Variants in STARD13 observed in about 807,000 individuals in gnomAD.
STARD13 encodes the protein StAR related lipid transfer domain containing 13.
In STARD13, 62 loss-of-function variants were observed where a neutral mutation model predicts 106.4. That is an observed-to-expected ratio of 0.58 (90% CI 0.48 to 0.72). The LOEUF (loss-of-function observed/expected upper bound fraction) is 0.72. Among genes scored for constraint, STARD13 ranks in the 30% least tolerant of loss-of-function variants. STARD13 has a pLI of 0.00. For missense variants in STARD13, 1,387 were observed against 1,424.0 expected (o/e 0.97, Z 0.42); for synonymous variants, 565 against 553.0 (o/e 1.02, Z -0.31).
At chr13:33,214,584 C>T (rs776203094) in intron 1 of STARD13, among the ~76,000 whole-genome samples, 1 of 152,138 alleles carries the variant, frequency 6.6e-6, no homozygotes, top group Non-Finnish European at 1.5e-5. Context: ...GCTCCACAAC[C>T]TTTCAGTGAC....
intron 1 of STARD13, among the ~76,000 whole-genome samples, chr13:33,244,923 A>C (rs1889745946): frequency 6.6e-6 from 1 of 152,256 alleles, no homozygotes; most frequent in Non-Finnish European, 1.5e-5. Context: ...GTTGTCATGT[A>C]GCAATAGGTA....
intron 1 of STARD13, among the ~76,000 whole-genome samples, chr13:33,211,827 ATG>A (rs1215767146): frequency 0.04 from 5,813 of 146,662 alleles, 178 homozygotes; most frequent in African/African-American, 0.091. Flanking sequence ...GTGTGTGTGT[ATG>A]TGTGTGTGTG....
chr13:33,539,121 A>G, the STARD13 span, among the ~76,000 whole-genome samples: 2 of 152,222 alleles, frequency 1.3e-5, no homozygotes, highest in African/African-American at 4.8e-5. Context: ...AAATTCTAGA[A>G]CTAAAATAAA....
the STARD13 span, among the ~76,000 whole-genome samples, chr13:33,509,694 G>T: frequency 2.0e-5 from 3 of 152,170 alleles, no homozygotes; most frequent in Non-Finnish European, 4.4e-5. Context: ...ACTGTAGGGA[G>T]TATCCAAGAA....
intron 1 of STARD13, chr13:33,276,564 T>C (rs192183897): frequency 3.3e-5 from 5 of 152,292 alleles, no homozygotes; most frequent in Non-Finnish European, 1.5e-5. Flanking sequence ...ACTTTTTGTA[T>C]CCAGTGTGTC....
At chr13:33,304,549 TAA>T (rs1892835872) in intron 1 of STARD13, among the ~76,000 whole-genome samples, 1 of 152,214 alleles carries the variant, frequency 6.6e-6, no homozygotes, top group Admixed American at 6.5e-5. Flanking sequence ...ATGTAATTTT[TAA>T]ACTCCACATC....
At chr13:33,420,431 C>G in the STARD13 span, among the ~76,000 whole-genome samples, 1 of 152,296 alleles carries the variant, frequency 6.6e-6, no homozygotes, top group Non-Finnish European at 1.5e-5. Context: ...GCACCCAATA[C>G]AGGAGCACCT....
chr13:33,193,487 T>C (rs1185572803), intron 1 of STARD13, among the ~76,000 whole-genome samples: 1 of 152,226 alleles, frequency 6.6e-6, no homozygotes, highest in East Asian at 1.9e-4. Flanking sequence ...GGCTCTTTAC[T>C]GTATTATCTC....
chr13:33,401,235 CA>C, the STARD13 span, among the ~76,000 whole-genome samples: 123 of 152,248 alleles, frequency 8.1e-4, no homozygotes, highest in African/African-American at 2.5e-3. Flanking sequence ...TTTATTTAAA[CA>C]TTTTTTTTCT....
the STARD13 span, among the ~76,000 whole-genome samples, chr13:33,475,180 T>C: frequency 6.6e-6 from 1 of 152,296 alleles, no homozygotes; most frequent in Non-Finnish European, 1.5e-5. Context: ...GGTTTTCATC[T>C]GTAAAATACT....
At position 33,243,447 on chromosome 13, in the gene STARD13, G is replaced by A. The variant is rs141067886; in HGVS notation, c.169+42023C>T. ...GTGAAGAGTACCTGGGTGTGGGAAGGGCTACACCACAGCCAAGAGTGAAGG... is the reference window on the plus strand; with the variant it reads ...GTGAAGAGTACCTGGGTGTGGGAAGAGCTACACCACAGCCAAGAGTGAAGG... On this transcript the variant is annotated intron_variant, in intron 1 of 13. Transcript: ENST00000336934. 2.9e-3 allele frequency among the ~76,000 whole-genome samples: 439 copies of A among 152,232 alleles called. 6 individuals carry two copies. The highest frequency in any genetic ancestry group is 0.01 in the African/African-American group (427 of 41,546).
chr13:33,317,808 G>A (rs1424861920), intron 1 of STARD13, among the ~76,000 whole-genome samples: 1 of 152,102 alleles, frequency 6.6e-6, no homozygotes, highest in East Asian at 1.9e-4. Context: ...ATTTATTTTA[G>A]CTTTTTTAAG....
At chr13:33,394,617 T>C in the STARD13 span, among the ~76,000 whole-genome samples, 1 of 152,150 alleles carries the variant, frequency 6.6e-6, no homozygotes, top group East Asian at 1.9e-4. Flanking sequence ...TGGAATGATA[T>C]TGGACTTATT....
chr13:33,462,685 G>A, the STARD13 span, among the ~76,000 whole-genome samples: 4 of 152,336 alleles, frequency 2.6e-5, no homozygotes, highest in Non-Finnish European at 4.4e-5. Context: ...TCAAGGGCAG[G>A]AAGCGTCCAG....
At chr13:33,672,992 T>C in the STARD13 span, among the ~76,000 whole-genome samples, 1 of 152,234 alleles carries the variant, frequency 6.6e-6, no homozygotes, top group African/African-American at 2.4e-5. Context: ...TTTAAGGCAA[T>C]TTAAGCATAT....
the STARD13 span, among the ~76,000 whole-genome samples, chr13:33,408,139 T>G: frequency 6.6e-6 from 1 of 152,208 alleles, no homozygotes; most frequent in African/African-American, 2.4e-5. Flanking sequence ...GCTTTATTTT[T>G]TTAAATTTGT....
the STARD13 span, among the ~76,000 whole-genome samples, chr13:33,619,525 G>T: frequency 1.3e-5 from 2 of 152,062 alleles, no homozygotes; most frequent in African/African-American, 4.8e-5. Flanking sequence ...ATAGTTTTTT[G>T]ATAAGACTAC....
the STARD13 span, among the ~76,000 whole-genome samples, chr13:33,672,550 T>TA: frequency 6.6e-6 from 1 of 152,190 alleles, no homozygotes; most frequent in African/African-American, 2.4e-5. Context: ...AAATAAAATT[T>TA]AAAAAATCCT....
At chr13:33,423,281 A>G in the STARD13 span, among the ~76,000 whole-genome samples, 1 of 152,240 alleles carries the variant, frequency 6.6e-6, no homozygotes, top group Non-Finnish European at 1.5e-5. Context: ...AAAGTGGGCA[A>G]AGGATATGAA....
Sources: allele counts gnomAD v4.1 joint callset (sites outside exome capture counted in the v4.1 genomes callset), GRCh38; gene constraint gnomAD v4.1.1; transcripts MANE v1.5; gene names NCBI Gene and HGNC (gene_info 2026-07-23, HGNC 2026-07-21).